The following TENM2 variants were observed in gnomAD, a reference collection of about 807,000 sequenced individuals.
TENM2 encodes teneurin transmembrane protein 2.
A neutral mutation model predicts 245.2 loss-of-function variants in TENM2; 52 were observed. The ratio of observed to expected loss-of-function variants is 0.21; its 90% CI spans 0.17 to 0.27. The LOEUF is 0.27. TENM2 is among the 10% of genes least tolerant of loss of function. TENM2 has a pLI of 1.00. For missense variants in TENM2, 3,046 were observed against 3,666.8 expected, an observed-to-expected ratio of 0.83 and a Z score of 4.37; for synonymous variants, 1,363 against 1,438.9, an observed-to-expected ratio of 0.95 and a Z score of 1.19.
chr5:167,400,476 T>C (rs774454576), intron 2 of TENM2, among the ~76,000 whole-genome samples: 28 of 152,018 alleles, frequency 1.8e-4, no homozygotes, highest in Admixed American at 4.6e-4. Flanking sequence ...TTTTGAAAAA[T>C]ATGAAGTATA....
At chr5:167,106,644 G>A in the TENM2 span, among the ~76,000 whole-genome samples, 31 of 152,196 alleles carry the variant, frequency 2.0e-4, no homozygotes, top group Non-Finnish European at 3.8e-4. Flanking sequence ...GTGGTGGTGT[G>A]AAATGCACTG....
At chr5:168,079,783 C>T (rs1294697960) in intron 7 of TENM2, among the ~76,000 whole-genome samples, 2 of 152,232 alleles carry the variant, frequency 1.3e-5, no homozygotes, top group Non-Finnish European at 2.9e-5. Context: ...ATGAAGCCCA[C>T]TTGATCATAG....
chr5:167,091,417 A>T, the TENM2 span, among the ~76,000 whole-genome samples: 1 of 152,170 alleles, frequency 6.6e-6, no homozygotes, highest in African/African-American at 2.4e-5. Context: ...AGTACAGATA[A>T]GAAATAAGGG....
chr5:168,136,432 G>A (rs1227348514), intron 12 of TENM2, among the ~76,000 whole-genome samples: 1 of 152,146 alleles, frequency 6.6e-6, no homozygotes, highest in East Asian at 1.9e-4. Context: ...TACACTTACA[G>A]GGACTCCTAC....
At chr5:167,421,474 G>C (rs546841540) in intron 2 of TENM2, among the ~76,000 whole-genome samples, 49 of 152,262 alleles carry the variant, frequency 3.2e-4, no homozygotes, top group Admixed American at 8.5e-4. Context: ...TGTTTAAAGA[G>C]AGCCAAGCTT....
intron 1 of TENM2, among the ~76,000 whole-genome samples, chr5:167,328,873 A>G (rs796443080): frequency 1.3e-5 from 2 of 152,138 alleles, no homozygotes; most frequent in East Asian, 3.9e-4. Flanking sequence ...AACAAAGTAT[A>G]TATTTTGTTT....
rs184367343 is a variant in TENM2, at chr5:167,397,816, C to T, written c.502+22343C>T. On this transcript the variant is annotated intron_variant, in intron 2 of 28. Coordinates refer to ENST00000518659, the Ensembl canonical transcript of TENM2. Reference sequence around the variant, plus strand: ...TCTGAAATTCGCATCAAGAAAAAGTCTCTAAAACATGTCTCAGAATCATTT... The same window carrying T: ...TCTGAAATTCGCATCAAGAAAAAGTTTCTAAAACATGTCTCAGAATCATTT... Among the ~76,000 whole-genome samples the T allele has an allele frequency of 3.9e-5, 6 of 152,238 alleles. No homozygotes were observed. The East Asian group carries it at 1.2e-3, about 29-fold the overall frequency.
At chr5:167,811,655 T>C (rs1390232041) in intron 2 of TENM2, among the ~76,000 whole-genome samples, 3 of 152,124 alleles carry the variant, frequency 2.0e-5, no homozygotes, top group African/African-American at 4.8e-5. Context: ...AAATAAGTCA[T>C]GGATAGAGTT....
At chr5:167,464,700 G>A (rs1209536382) in intron 2 of TENM2, among the ~76,000 whole-genome samples, 1 of 152,084 alleles carries the variant, frequency 6.6e-6, no homozygotes, top group East Asian at 1.9e-4. Context: ...ATTAAAGACA[G>A]AACCCTGGAA....
At chr5:167,277,552 T>G in the TENM2 span, among the ~76,000 whole-genome samples, 1 of 152,162 alleles carries the variant, frequency 6.6e-6, no homozygotes, top group African/African-American at 2.4e-5. Context: ...TGATATACAC[T>G]CCATGGCCAC....
intron 2 of TENM2, among the ~76,000 whole-genome samples, chr5:167,649,434 G>A (rs1480982210): frequency 6.6e-6 from 1 of 152,124 alleles, no homozygotes; most frequent in Non-Finnish European, 1.5e-5. Flanking sequence ...TTCTCCTAAT[G>A]AACACGTTCC....
chr5:167,114,940 TTC>T, the TENM2 span, among the ~76,000 whole-genome samples: 1 of 152,214 alleles, frequency 6.6e-6, no homozygotes, highest in African/African-American at 2.4e-5. Context: ...TAGCAATGCT[TTC>T]TCTGTTTGCT....
At chr5:168,055,905 C>T (rs1031544356) in intron 6 of TENM2, among the ~76,000 whole-genome samples, 2 of 152,226 alleles carry the variant, frequency 1.3e-5, no homozygotes, top group African/African-American at 2.4e-5. Flanking sequence ...CACTGGGCAA[C>T]ATTGCCTCCT....
rs567893050 is a variant in TENM2 at position 167,293,256 on chromosome 5, C to A, written c.226+8193C>A. Reference sequence around the variant, plus strand: ...CACTCTTGTTGCCCAGGCTGGAGTGCAATGGTGCAATCTCTGCTCACAGCA... The same window carrying A: ...CACTCTTGTTGCCCAGGCTGGAGTGAAATGGTGCAATCTCTGCTCACAGCA... On this transcript the variant is annotated intron_variant, in intron 1 of 28. Transcript: ENST00000518659. Among the ~76,000 whole-genome samples, 695 of 152,164 alleles carry A rather than the reference C, an allele frequency of 4.6e-3. 3 individuals carry two copies. Among genetic ancestry groups the A allele is most frequent in the Non-Finnish European group, 8.9e-3 (605 of 68,008 alleles).
chr5:167,415,813 G>A (rs1337850147), intron 2 of TENM2, among the ~76,000 whole-genome samples: 2 of 152,094 alleles, frequency 1.3e-5, no homozygotes, highest in Non-Finnish European at 1.5e-5. Flanking sequence ...CCTCTTCGCC[G>A]TGGTACATCT....
At chr5:167,540,103 C>T (rs1399569163) in intron 2 of TENM2, among the ~76,000 whole-genome samples, 3 of 152,066 alleles carry the variant, frequency 2.0e-5, no homozygotes, top group East Asian at 3.9e-4. Context: ...TAAATTACAT[C>T]GTTGGAGTAA....
At chr5:167,712,168 C>A (rs754684187) in intron 2 of TENM2, among the ~76,000 whole-genome samples, 11 of 152,094 alleles carry the variant, frequency 7.2e-5, no homozygotes, top group Admixed American at 5.9e-4. Flanking sequence ...ACTTCCATTT[C>A]TAAAGCCTTA....
At chr5:168,096,253 C>T (rs1274402679) in intron 8 of TENM2, among the ~76,000 whole-genome samples, 1 of 152,180 alleles carries the variant, frequency 6.6e-6, no homozygotes, top group Non-Finnish European at 1.5e-5. Flanking sequence ...AGAATGATCT[C>T]CCAGCACCGT....
rs140815069 is a variant in TENM2, at chr5:167,654,337, A to G, written c.503-221649A>G. 9.2e-5 allele frequency among the ~76,000 whole-genome samples: 14 copies of G among 152,258 alleles called. No homozygotes were observed. In the East Asian group the frequency reaches 2.1e-3, roughly 23 times the overall value. ...AACAAAAGTGAGACAAGTGAGGTGC[A>G]CAGGGGTCCACGATGAAGAAGCACT... On this transcript the variant is annotated intron_variant, in intron 2 of 28. Transcript: ENST00000518659.
Sources: allele counts gnomAD v4.1 joint callset (sites outside exome capture counted in the v4.1 genomes callset), GRCh38; gene constraint gnomAD v4.1.1; transcripts MANE v1.5; gene names NCBI Gene and HGNC (gene_info 2026-07-23, HGNC 2026-07-21).